SH3RF2: variants seen among roughly 807,000 people sequenced by gnomAD.
SH3RF2 encodes the protein SH3 domain containing ring finger 2, also known as E3 ubiquitin-protein ligase SH3RF2.
A neutral mutation model predicts 59.0 loss-of-function variants in SH3RF2; 43 were observed. The observed-to-expected ratio is 0.73, with a 90% CI of 0.57 to 0.94. The LOEUF (loss-of-function observed/expected upper bound fraction) is 0.94, where lower values mean the gene tolerates loss of function less well. SH3RF2 is among the 40% of genes least tolerant of loss of function. The pLI is 0.00. For synonymous variants in SH3RF2, 391 were observed against 391.5 expected, an observed-to-expected ratio of 1.00 and a Z score of 0.01; for missense variants, 930 against 940.1, an observed-to-expected ratio of 0.99 and a Z score of 0.14.
chr5:146,051,679 G>A (rs1762503132), intron 7 of SH3RF2, among the ~76,000 whole-genome samples: 1 of 152,204 alleles, frequency 6.6e-6, no homozygotes, highest in African/African-American at 2.4e-5. Context: ...ATGGAGGGAA[G>A]TAAAAGCTTA....
In SH3RF2 at chr5:145,938,317, T is replaced by C. The variant is rs368387928; in HGVS notation, c.378+11T>C. 5.3e-6 allele frequency: 8 copies of C among 1,516,256 alleles called. No individual in the cohort carries two copies. Among genetic ancestry groups the C allele is most frequent in the Non-Finnish European group, 7.0e-6 (8 of 1,138,986 alleles). The allele number at this position is 1,516,256 out of a possible 1,614,324, so 93.9% of individuals were successfully genotyped here. ...ATCCACATGGATGGGGTAAGAGAGA[T>C]CTTATTTGCTAATATCATGTCCACA... On this transcript the variant is annotated intron_variant, in intron 2 of 9. Transcript: ENST00000359120.
chr5:145,953,467 G>C (rs1338009507), intron 2 of SH3RF2, among the ~76,000 whole-genome samples: 1 of 152,178 alleles, frequency 6.6e-6, no homozygotes, highest in African/African-American at 2.4e-5. Flanking sequence ...AGCTGCAGGG[G>C]AAGATGCAGA....
At chr5:146,052,110 G>C in intron 7 of SH3RF2, among the ~76,000 whole-genome samples, 1 of 152,116 alleles carries the variant, frequency 6.6e-6, no homozygotes, top group East Asian at 1.9e-4. Flanking sequence ...CCACGACTAG[G>C]GCATTTGCTT....
chr5:145,946,964 T>C (rs1347042218), intron 2 of SH3RF2, among the ~76,000 whole-genome samples: 1 of 152,148 alleles, frequency 6.6e-6, no homozygotes, highest in Non-Finnish European at 1.5e-5. Flanking sequence ...AATTATATTT[T>C]TTATTGTGGT....
At chr5:145,997,480 C>T in intron 2 of SH3RF2, 1 of 1,563,926 alleles carries the variant, frequency 6.4e-7, no homozygotes, top group Non-Finnish European at 8.8e-7. Context: ...ATAATGGATA[C>T]AGTACAATTT....
intron 9 of SH3RF2, among the ~76,000 whole-genome samples, chr5:146,072,809 T>C (rs1223957930): frequency 1.3e-5 from 2 of 152,206 alleles, no homozygotes; most frequent in African/African-American, 2.4e-5. Context: ...TGGATCCAAA[T>C]ACAGGCCCCG....
chr5:146,034,793 C>T (rs2962518), intron 5 of SH3RF2, among the ~76,000 whole-genome samples: 88,127 of 151,878 alleles, frequency 0.58, 26,245 homozygotes, highest in Middle Eastern at 0.8. Flanking sequence ...CTTCATTTAT[C>T]GAGGGCACTC....
Position 146,006,697 on chromosome 5 carries a change from A to G in SH3RF2, c.744+2544A>G, listed in dbSNP as rs545436570. On this transcript the variant is annotated intron_variant, in intron 4 of 9. Transcript: ENST00000359120. The stretch of plus-strand genomic sequence containing the variant: ...TGGAAGACAGATCACAGAGGACTTC[A>G]TAAACCATCCTGTATAGTCAGGATA... Among the ~76,000 whole-genome samples the G allele has an allele frequency of 9.8e-5, 15 of 152,346 alleles. 3 individuals carry two copies. The highest frequency in any genetic ancestry group is 3.6e-4 in the African/African-American group (15 of 41,582).
At chr5:146,063,901 A>T (rs1029435838), downstream of SH3RF2, among the ~76,000 whole-genome samples, 5 of 152,102 alleles carry the variant, frequency 3.3e-5, no homozygotes, top group African/African-American at 1.2e-4. Flanking sequence ...CATGCTAAAA[A>T]ACAACTTTAT....
At chr5:146,074,388 G>A (rs1248459299) in intron 9 of SH3RF2, among the ~76,000 whole-genome samples, 2 of 152,134 alleles carry the variant, frequency 1.3e-5, no homozygotes, top group East Asian at 1.9e-4. Context: ...TGCCACTGGA[G>A]TTATTACAAG....
At chr5:146,039,053 T>A (rs1467660180) in intron 5 of SH3RF2, among the ~76,000 whole-genome samples, 3 of 152,148 alleles carry the variant, frequency 2.0e-5, no homozygotes, top group Non-Finnish European at 4.4e-5. Context: ...ACTTTGCAGA[T>A]CAGAAGGGAA....
intron 2 of SH3RF2, among the ~76,000 whole-genome samples, chr5:145,967,753 A>G (rs1346927896): frequency 2.0e-5 from 3 of 152,040 alleles, no homozygotes; most frequent in African/African-American, 7.2e-5. Context: ...TCCGCCTCCC[A>G]GGTTCAAGTA....
rs571235707 is a variant in SH3RF2 at position 145,942,492 on chromosome 5, A to G, written c.378+4186A>G. Among the ~76,000 whole-genome samples the G allele has an allele frequency of 1.2e-4, 18 of 152,316 alleles. 1 individual carries two copies. Among genetic ancestry groups the G allele is most frequent in the Non-Finnish European group, 1.8e-4 (12 of 68,030 alleles). On this transcript the variant is annotated intron_variant, in intron 2 of 9. Transcript: ENST00000359120. Reference sequence around the variant, plus strand: ...GGGAAAAAAAATGAGGTCAGAAAACATATCAGGGAATGAGGCTGGGTAGAA... The same window carrying G: ...GGGAAAAAAAATGAGGTCAGAAAACGTATCAGGGAATGAGGCTGGGTAGAA...
chr5:145,969,716 C>G (rs1472518521), intron 2 of SH3RF2, among the ~76,000 whole-genome samples: 1 of 150,802 alleles, frequency 6.6e-6, no homozygotes, highest in African/African-American at 2.4e-5. Flanking sequence ...GCCTAGATGA[C>G]AGAGCGAGAC....
rs575096696 is a variant in SH3RF2 at position 146,077,956 on chromosome 5, G to C, written c.*34-504G>C. ...TAGGAGTAGGGGGCTTGGCAGTAAC[G>C]GATGATAACCGGTAGAATGAAATAG... On this transcript the variant is annotated intron_variant, in intron 9 of 9. Transcript: ENST00000511217. 2.6e-4 allele frequency among the ~76,000 whole-genome samples: 40 copies of C among 152,128 alleles called. No individual in the cohort carries two copies. In the Middle Eastern group the frequency reaches 0.01, roughly 39 times the overall value.
intron 7 of SH3RF2, among the ~76,000 whole-genome samples, chr5:146,051,663 T>TG (rs1255297142): frequency 6.6e-6 from 1 of 152,128 alleles, no homozygotes; most frequent in East Asian, 1.9e-4. Flanking sequence ...GAGCATGTTT[T>TG]GGGGTATGGA....
intron 2 of SH3RF2, chr5:145,997,172 C>A: frequency 1.4e-6 from 1 of 725,334 alleles, no homozygotes; most frequent in South Asian, 1.6e-5. Flanking sequence ...TCATTCTCCC[C>A]AGCATTTACC....
chr5:146,062,280 T>C, intron 9 of SH3RF2, 146 bp from the exon 10 acceptor site: 1 of 1,004,252 alleles, frequency 1.0e-6, no homozygotes, highest in Non-Finnish European at 1.5e-6. Flanking sequence ...ATCTTGTACT[T>C]CCCCCATCTT....
At chr5:146,032,993 A>G (rs1053462629) in intron 5 of SH3RF2, among the ~76,000 whole-genome samples, 17 of 152,188 alleles carry the variant, frequency 1.1e-4, no homozygotes, top group African/African-American at 4.1e-4. Flanking sequence ...GGCTGAGAGG[A>G]CAGGCTCTGA....
Sources: allele counts gnomAD v4.1 joint callset (sites outside exome capture counted in the v4.1 genomes callset), GRCh38; gene constraint gnomAD v4.1.1; transcripts MANE v1.5; gene names NCBI Gene and HGNC (gene_info 2026-07-23, HGNC 2026-07-21).